Variants in GMDS observed in about 807,000 individuals in gnomAD.
The protein encoded by GMDS is GDP-mannose 4,6-dehydratase.
A neutral mutation model predicts 49.9 loss-of-function variants in GMDS; 20 were observed. That is an observed-to-expected ratio of 0.40 (90% CI 0.28 to 0.58). GMDS has a LOEUF of 0.58. Ranked by LOEUF, GMDS falls within the 20% of genes least tolerant of loss-of-function variation. The pLI, the probability that GMDS is intolerant of heterozygous loss-of-function variation, is 0.42. For synonymous variants in GMDS, 177 were observed against 178.6 expected (o/e 0.99, Z 0.07); for missense variants, 362 against 481.4 (o/e 0.75, Z 2.32).
chr6:1,636,678 A>T (rs1161293583), intron 9 of GMDS, among the ~76,000 whole-genome samples: 1 of 152,170 alleles, frequency 6.6e-6, no homozygotes, highest in East Asian at 1.9e-4. Context: ...GCCTGACACC[A>T]TGAGCCTAGG....
chr6:1,914,131 GTTTTTTTT>G lies in GMDS; in HGVS notation c.771+15964_771+15971del, dbSNP rs563808537. On this transcript the variant is annotated intron_variant, in intron 7 of 10. Transcript: ENST00000380815. ...ATTATCATGAAAGCGTTTTTTGTTT[GTTTTTTTT>G]TTTTTTTTTTTTTTTTTTAATTAAG... is the stretch of plus-strand genomic sequence containing the variant. 9.0e-5 allele frequency among the ~76,000 whole-genome samples: 7 copies of G among 77,856 alleles called. 1 individual carries two copies. Among genetic ancestry groups the G allele is most frequent in the African/African-American group, 1.4e-4 (3 of 21,704 alleles). 51.1% of individuals were successfully genotyped at this position (77,856 alleles called of 152,430 possible).
At chr6:1,792,998 T>C (rs571594092) in intron 7 of GMDS, among the ~76,000 whole-genome samples, 2 of 152,220 alleles carry the variant, frequency 1.3e-5, no homozygotes, top group African/African-American at 2.4e-5. Flanking sequence ...ATATTTTCCA[T>C]CTCTCACTAT....
chr6:2,078,508 T>C (rs72830147), intron 4 of GMDS, among the ~76,000 whole-genome samples: 7,333 of 152,194 alleles, frequency 0.048, 280 homozygotes, highest in Non-Finnish European at 0.07. Context: ...ACTTCCTTCT[T>C]AATTTCTTAA....
At chr6:1,728,368 C>T (rs1303568859) in intron 8 of GMDS, among the ~76,000 whole-genome samples, 3 of 152,244 alleles carry the variant, frequency 2.0e-5, no homozygotes, top group East Asian at 1.9e-4. Context: ...GCTCACATTT[C>T]GTTCTTCGCA....
At chr6:1,834,909 T>C (rs1756853662) in intron 7 of GMDS, among the ~76,000 whole-genome samples, 1 of 152,222 alleles carries the variant, frequency 6.6e-6, no homozygotes, top group Non-Finnish European at 1.5e-5. Context: ...ATACACACTA[T>C]TCTTGTTTTT....
chr6:1,740,440 C>A (rs1488692863), intron 8 of GMDS, among the ~76,000 whole-genome samples: 1 of 151,834 alleles, frequency 6.6e-6, no homozygotes, highest in Non-Finnish European at 1.5e-5. Context: ...GCCTGTAATC[C>A]CAGCTACTTG....
chr6:2,036,746 A>C (rs574515754), intron 4 of GMDS, among the ~76,000 whole-genome samples: 2 of 152,344 alleles, frequency 1.3e-5, no homozygotes, highest in African/African-American at 4.8e-5. Flanking sequence ...TTCTATGGGA[A>C]AAGTAAACCA....
chr6:1,875,634 T>TACA (rs1759005473), intron 7 of GMDS, among the ~76,000 whole-genome samples: 1 of 152,222 alleles, frequency 6.6e-6, no homozygotes, highest in African/African-American at 2.4e-5. Flanking sequence ...AATGGGTTTT[T>TACA]ATCCTTGTAA....
At position 1,930,165 on chromosome 6, in the gene GMDS, A is replaced by G. The variant is rs1470918028; in HGVS notation, c.709T>C (p.Cys237Arg). The G allele has an allele frequency of 1.2e-6, 2 of 1,612,106 alleles. No individual in the cohort carries two copies. Among genetic ancestry groups the G allele is most frequent in the East Asian group, 2.2e-5 (1 of 44,878 alleles). ...VAKIYLGQLE[C>R]FSLGNLDAKR... is the part of the protein sequence containing the mutation. ...GCATCCAGATTTCCCAAACTGAAAC[A>G]TTCCAGTTGTCCAAGGTAAATCTTA... Residue 237 changes from cysteine (C) to arginine (R), a missense_variant, in exon 7 of 11, where the codon TGT (cysteine) becomes CGT (arginine). Cys to Arg is a radical substitution (Grantham distance 180). Transcript: ENST00000380815.
chr6:1,848,126 T>C (rs1393590043), intron 7 of GMDS, among the ~76,000 whole-genome samples: 1 of 151,962 alleles, frequency 6.6e-6, no homozygotes, highest in Non-Finnish European at 1.5e-5. Context: ...CCAATCTTCA[T>C]AGATCCACAC....
At chr6:1,973,570 A>G (rs540434157) in intron 4 of GMDS, among the ~76,000 whole-genome samples, 143 of 152,314 alleles carry the variant, frequency 9.4e-4, no homozygotes, top group African/African-American at 3.4e-3. Context: ...GATTATAGTA[A>G]TTTGGGGACA....
At chr6:2,227,005 C>A (rs12661136) in intron 1 of GMDS, among the ~76,000 whole-genome samples, 16,761 of 152,120 alleles carry the variant, frequency 0.11, 1,017 homozygotes, top group Middle Eastern at 0.23. Context: ...CAATCAGTAA[C>A]AAGTTAGTCA....
At chr6:1,767,253 C>CTAATA (rs3039698) in intron 7 of GMDS, among the ~76,000 whole-genome samples, 27,829 of 151,836 alleles carry the variant, frequency 0.18, 2,996 homozygotes, top group East Asian at 0.41. Flanking sequence ...TGTAAAATGG[C>CTAATA]TAATTACAAA....
At chr6:2,060,199 G>A (rs1365040417) in intron 4 of GMDS, among the ~76,000 whole-genome samples, 4 of 152,076 alleles carry the variant, frequency 2.6e-5, no homozygotes, top group Non-Finnish European at 2.9e-5. Context: ...GGCGACCCTG[G>A]CGTACTGTTC....
intron 7 of GMDS, among the ~76,000 whole-genome samples, chr6:1,819,555 G>GT (rs1474994178): frequency 2.0e-5 from 3 of 152,006 alleles, no homozygotes; most frequent in Non-Finnish European, 4.4e-5. Context: ...GAGGTCAGAA[G>GT]TTTGAGACCA....
At chr6:1,983,453 T>C (rs1765342200) in intron 4 of GMDS, among the ~76,000 whole-genome samples, 1 of 152,002 alleles carries the variant, frequency 6.6e-6, no homozygotes, top group African/African-American at 2.4e-5. Context: ...ACCTACAGAA[T>C]GGAAAAAAAT....
At chr6:1,904,843 G>C (rs1236409514) in intron 7 of GMDS, among the ~76,000 whole-genome samples, 2 of 152,236 alleles carry the variant, frequency 1.3e-5, no homozygotes, top group South Asian at 2.1e-4. Flanking sequence ...GGCAGAAGGA[G>C]TGCATGAGAT....
At chr6:1,838,517 T>C (rs1355215390) in intron 7 of GMDS, among the ~76,000 whole-genome samples, 1 of 152,210 alleles carries the variant, frequency 6.6e-6, no homozygotes, top group Non-Finnish European at 1.5e-5. Context: ...TCCACATAAA[T>C]TTACCTCTGT....
chr6:2,088,042 T>C (rs1039667034), intron 4 of GMDS, among the ~76,000 whole-genome samples: 8 of 152,004 alleles, frequency 5.3e-5, no homozygotes, highest in Non-Finnish European at 7.4e-5. Flanking sequence ...TACAAAGTAA[T>C]ATGCTCATAT....
Sources: gnomAD v4.1 joint callset for allele counts (sites outside exome capture counted in the v4.1 genomes callset) on GRCh38, gnomAD v4.1.1 for gene constraint, MANE v1.5 for transcripts, NCBI Gene and HGNC (gene_info 2026-07-23, HGNC 2026-07-21) for gene names.